The following COL1A2 variants were observed in gnomAD, a reference collection of about 807,000 sequenced individuals.
COL1A2 encodes collagen type I alpha 2 chain, also known as collagen alpha-2(I) chain.
COL1A2 carries 49 observed loss-of-function variants against 174.3 expected under a neutral mutation model. The ratio of observed to expected loss-of-function variants is 0.28; its 90% CI spans 0.22 to 0.36. The LOEUF is 0.36. Ranked by LOEUF, COL1A2 falls within the 10% of genes least tolerant of loss-of-function variation. COL1A2 has a pLI of 1.00. For missense variants in COL1A2, 1,438 were observed against 1,822.7 expected, an observed-to-expected ratio of 0.79 and a Z score of 3.84; for synonymous variants, 655 against 606.6, an observed-to-expected ratio of 1.08 and a Z score of -1.17.
At chr7:94,410,828 T>G in intron 21 of COL1A2, 61 bp from the exon 22 acceptor site, 1 of 1,568,516 alleles carries the variant, frequency 6.4e-7, no homozygotes, top group Non-Finnish European at 8.8e-7. Flanking sequence ...TTTTACAAAC[T>G]CTACCTTATC....
At chr7:94,415,364 A>G (rs1792018487) in intron 30 of COL1A2, 94 bp downstream of exon 30, 1 of 1,045,808 alleles carries the variant, frequency 9.6e-7, no homozygotes, top group Non-Finnish European at 1.5e-6. Context: ...ACCCTGCAAC[A>G]AGTCTCTGAT....
intron 38 of COL1A2, 132 bp from the exon 39 acceptor site, chr7:94,421,767 A>G: frequency 3.0e-6 from 2 of 663,078 alleles, no homozygotes; most frequent in Non-Finnish European, 5.4e-6. Flanking sequence ...CCCTATATGA[A>G]GCTGCCTACC....
chr7:94,423,008 C>T lies in COL1A2; in HGVS notation c.2455C>T (p.Arg819Cys), dbSNP rs2115941044. 6.2e-7 allele frequency: 1 copy of T among 1,614,024 alleles called. No homozygotes were observed. The highest frequency in any genetic ancestry group is 8.5e-7 in the Non-Finnish European group (1 of 1,179,998). ...PPGPAGKEGL[R>C]GPRGDQGPVG... Reference sequence around the variant, plus strand: ...TGGTCCTGCTGGGAAAGAAGGGCTTCGTGGTCCTCGTGGTGACCAAGGTCC... The same window carrying T: ...TGGTCCTGCTGGGAAAGAAGGGCTTTGTGGTCCTCGTGGTGACCAAGGTCC... The change falls in exon 40 of 52, where the codon CGT becomes TGT. Residue 819 changes from arginine to cysteine, a missense_variant. Arg to Cys is a radical substitution (Grantham distance 180, BLOSUM62 -3). Around this residue, in one of 3 missense-constraint regions of COL1A2, gnomAD observed 867 missense variants for 1,213.7 expected, o/e 0.71. Transcript: ENST00000297268.
chr7:94,426,429 C>T lies in COL1A2; in HGVS notation c.3004C>T (p.Gln1002Ter). The T allele has an allele frequency of 6.3e-7, 1 of 1,595,130 alleles. No homozygotes were observed. Among genetic ancestry groups the T allele is most frequent in the Non-Finnish European group, 8.5e-7 (1 of 1,170,792 alleles). Residue 1002 changes from glutamine to a stop codon, truncating the protein, a stop_gained, in exon 46 of 52, where the codon CAA becomes TAA. Transcript: ENST00000297268. LOFTEE classifies it high-confidence loss of function. ...TCCTTCTGTTTCTTTATAGGGCCCA[C>T]AAGGCATTCGTGGCGATAAGGGAGA... is the stretch of plus-strand genomic sequence containing the variant. ...AVGPRGPSGP[Q>*]GIRGDKGEPG...
chr7:94,423,079 C>T lies in COL1A2; in HGVS notation c.2526C>T (p.Phe842=), dbSNP rs41317725. The T allele has an allele frequency of 1.6e-4, 262 of 1,614,008 alleles. No homozygotes were observed. The highest frequency in any genetic ancestry group is 7.1e-4 in the East Asian group (32 of 44,894). ...TAGGTGCAGTTGGTCCCCCTGGCTT[C>T]GCTGGTGAGAAGGGTCCCTCTGGAG... is the stretch of plus-strand genomic sequence containing the variant. ...GEVGAVGPPG[F]AGEKGPSGEA... Residue 842 remains phenylalanine, a synonymous_variant, in exon 40 of 52, where the codon TTC becomes TTT. Coordinates refer to ENST00000297268, the MANE Select transcript of COL1A2 (RefSeq NM_000089.4).
chr7:94,395,996 G>A (rs2115845648), intron 1 of COL1A2, among the ~76,000 whole-genome samples: 1 of 152,226 alleles, frequency 6.6e-6, no homozygotes. Flanking sequence ...AAGAGACCGG[G>A]GTTTTTCCCA....
Position 94,400,288 on chromosome 7 carries a change from G to A in COL1A2, c.225G>A (p.Gly75=), listed in dbSNP as rs1791665796. The change falls in exon 5 of 52, where the codon GGG becomes GGA. Residue 75 remains glycine (G), a splice_region_variant and synonymous_variant. Coordinates refer to ENST00000297268, the MANE Select transcript of COL1A2 (RefSeq NM_000089.4). ...CTCCTGGCCCCCCTGGTCTCGGTGG[G>A]GTAAGGTGTCTTACGTATTGCTAAC... ...PGPPGPPGLG[G]NFAAQYDGKG... 6.2e-7 allele frequency: 1 copy of A among 1,611,066 alleles called. No individual in the cohort carries two copies. The highest frequency in any genetic ancestry group is 8.5e-7 in the Non-Finnish European group (1 of 1,178,946).
chr7:94,428,925 A>C (rs2115964702), intron 50 of COL1A2, among the ~76,000 whole-genome samples: 1 of 152,354 alleles, frequency 6.6e-6, no homozygotes, highest in Non-Finnish European at 1.5e-5. Context: ...TCTAAAGAAG[A>C]AGCATATGCA....
chr7:94,395,316 C>T (rs1325505360), intron 1 of COL1A2: 7 of 657,818 alleles, frequency 1.1e-5, no homozygotes, highest in East Asian at 9.1e-5. Context: ...GGAACTTTTC[C>T]TCTAAGTTCA....
chr7:94,404,217 C>T (rs1397087333), intron 6 of COL1A2, among the ~76,000 whole-genome samples: 2 of 152,170 alleles, frequency 1.3e-5, no homozygotes, highest in Non-Finnish European at 2.9e-5. Context: ...GCTTCATCTG[C>T]TGTATAGAAG....
chr7:94,397,696 C>CTA, intron 1 of COL1A2, 52 bp from the exon 2 acceptor site: 1 of 1,012,108 alleles, frequency 9.9e-7, no homozygotes, highest in Non-Finnish European at 1.5e-6. Flanking sequence ...GCTATTGATC[C>CTA]ATGAAGTGAT....
intron 41 of COL1A2, chr7:94,424,785 C>G: frequency 2.2e-6 from 1 of 462,964 alleles, no homozygotes; most frequent in Non-Finnish European, 3.9e-6. Context: ...CTGAATCGTT[C>G]CATTAAACCT....
At chr7:94,401,541 ATAAT>A in intron 5 of COL1A2, 22 bp from the exon 6 acceptor site, 3 of 1,114,824 alleles carry the variant, frequency 2.7e-6, no homozygotes, top group Non-Finnish European at 3.5e-6. Context: ...ATATATATAT[ATAAT>A]TTTTTTTTTT....
At chr7:94,399,176 A>G in intron 4 of COL1A2, 92 bp downstream of exon 4, 2 of 1,179,094 alleles carry the variant, frequency 1.7e-6, no homozygotes, top group Non-Finnish European at 1.3e-6. Flanking sequence ...TAAGAATATT[A>G]TGTATCCAGA....
chr7:94,416,216 G>A (rs970908866), intron 30 of COL1A2, among the ~76,000 whole-genome samples, 189 bp from the exon 31 acceptor site: 3 of 152,184 alleles, frequency 2.0e-5, no homozygotes, highest in Non-Finnish European at 4.4e-5. Flanking sequence ...AGAGCTAAGT[G>A]ACACTTTAGA....
chr7:94,411,699 AG>A (rs1791928955), intron 23 of COL1A2, among the ~76,000 whole-genome samples: 1 of 152,236 alleles, frequency 6.6e-6, no homozygotes, highest in African/African-American at 2.4e-5. Context: ...AACAAGTAAT[AG>A]GGACACCAAA....
rs1791609654 is a variant in COL1A2 at position 94,397,666 on chromosome 7, TTC to T, written c.71-78_71-77del. On this transcript the variant is annotated intron_variant, in intron 1 of 51. Transcript: ENST00000297268. ...AGGTAATTCAATTCTATAAACTTGTTTCTCTATTTGTTAATTATTGCTATTGA... is the reference window on the plus strand; with the variant it reads ...AGGTAATTCAATTCTATAAACTTGTTTCTATTTGTTAATTATTGCTATTGA... 8.8e-6 allele frequency: 7 copies of T among 792,504 alleles called. No individual in the cohort carries two copies. In the South Asian group the frequency reaches 1.1e-4, roughly 13 times the overall value. 49.1% of individuals were successfully genotyped at this position (792,504 alleles called of 1,614,324 possible).
chr7:94,422,384 T>G (rs1792183644), intron 39 of COL1A2: 1 of 160,264 alleles, frequency 6.2e-6, no homozygotes, highest in African/African-American at 2.4e-5. Context: ...ATTTAATTAA[T>G]TACCAAGGAT....
rs1475149719 is a variant in COL1A2, at chr7:94,429,169, T to G, written c.3712-19T>G. ...GAGTCCTTCTCCACTTAACTGGAAT[T>G]TCATCCTATTTTCTGTAGTTTGAAT... On this transcript the variant is annotated intron_variant, in intron 50 of 51. Coordinates refer to ENST00000297268, the MANE Select transcript of COL1A2 (RefSeq NM_000089.4). The G allele has an allele frequency of 6.2e-7, 1 of 1,605,702 alleles. No individual in the cohort carries two copies. The highest frequency in any genetic ancestry group is 1.1e-5 in the South Asian group (1 of 90,794).
Sources: gnomAD v4.1 joint callset for allele counts (sites outside exome capture counted in the v4.1 genomes callset) on GRCh38, gnomAD v4.1.1 for gene constraint, gnomAD v4.1.1 regional missense constraint, MANE v1.5 for transcripts, NCBI Gene and HGNC (gene_info 2026-07-23, HGNC 2026-07-21) for gene names.